The following CEP85 variants were observed in gnomAD, a reference collection of about 807,000 sequenced individuals.
CEP85 encodes the protein centrosomal protein of 85 kDa.
A neutral mutation model predicts 93.7 loss-of-function variants in CEP85; 58 were observed. That is an observed-to-expected ratio of 0.62 (90% CI 0.50 to 0.77). CEP85 has a LOEUF of 0.77. CEP85 is among the 30% of genes least tolerant of loss of function. The probability of loss-of-function intolerance (pLI) is 0.00; values close to 1 mark genes in which losing one functional copy is unlikely to be tolerated. For synonymous variants in CEP85, 314 were observed against 338.6 expected, an observed-to-expected ratio of 0.93 and a Z score of 0.80; for missense variants, 868 against 922.0, an observed-to-expected ratio of 0.94 and a Z score of 0.76.
intron 3 of CEP85, among the ~76,000 whole-genome samples, chr1:26,248,266 C>A (rs998093762): frequency 2.0e-5 from 3 of 151,980 alleles, no homozygotes; most frequent in Non-Finnish European, 4.4e-5. Flanking sequence ...GTCATAGGAC[C>A]TTTTTATTTT....
chr1:26,252,812 GTA>G (rs2124577929), intron 3 of CEP85, among the ~76,000 whole-genome samples: 1 of 152,260 alleles, frequency 6.6e-6, no homozygotes, highest in Non-Finnish European at 1.5e-5. Context: ...TACTATGCAT[GTA>G]ATATAAGGCT....
In CEP85 at chr1:26,277,952, C is replaced by G. The variant is rs1448531556; in HGVS notation, c.*659C>G. On this transcript the variant is annotated 3_prime_UTR_variant, in exon 14 of 14. Coordinates refer to ENST00000451429, the MANE Select transcript of CEP85 (RefSeq NM_001319944.2). ...TTTAACAAGAGATCCCACTCTCCAG[C>G]TGCCTTGTGTCCCTAGGGTCCTGGC... The G allele has an allele frequency of 6.5e-6, 1 of 152,802 alleles. No homozygotes were observed. Among genetic ancestry groups the G allele is most frequent in the Non-Finnish European group, 1.5e-5 (1 of 68,184 alleles). The allele number at this position is 152,802 out of a possible 1,614,324, so 9.5% of individuals were successfully genotyped here. A position where few individuals can be genotyped will look rare whatever the true frequency, so the allele number is the denominator to read the frequency against.
intron 1 of CEP85, among the ~76,000 whole-genome samples, chr1:26,234,839 C>T (rs1173976161): frequency 2.6e-5 from 4 of 152,198 alleles, no homozygotes; most frequent in African/African-American, 4.8e-5. Context: ...TACCCCGGTA[C>T]TTCTCGGCCG....
intron 4 of CEP85, among the ~76,000 whole-genome samples, chr1:26,256,928 G>GTGTGTGTGTGTGTGT (rs199539021): frequency 0.074 from 8,222 of 111,238 alleles, 516 homozygotes; most frequent in East Asian, 0.11. Context: ...GTTTTGTTTT[G>GTGTGTGTGTGTGTGT]GTGTGTGTGT....
intron 7 of CEP85, among the ~76,000 whole-genome samples, chr1:26,265,528 T>C (rs1317719012): frequency 1.3e-5 from 2 of 152,224 alleles, no homozygotes; most frequent in African/African-American, 4.8e-5. Flanking sequence ...CTCCAGAGAA[T>C]AGTCTCCTGA....
chr1:26,270,147 G>A (rs1042010210), intron 9 of CEP85, among the ~76,000 whole-genome samples: 1 of 152,132 alleles, frequency 6.6e-6, no homozygotes, highest in Non-Finnish European at 1.5e-5. Context: ...CCTTTGTAAG[G>A]ATCTAACCCA....
Position 26,277,230 on chromosome 1 carries a change from C to T in CEP85, c.2223C>T (p.Asp741=), listed in dbSNP as rs568551877. The change falls in exon 14 of 14, where the codon GAC becomes GAT. Residue 741 remains aspartate, a synonymous_variant. Transcript: ENST00000451429. The stretch of plus-strand genomic sequence containing the variant: ...AACAGCTGCGTCGTGACATTGAGGA[C>T]TTAAGGACCACCATGTCAGACAGAT... ...EVQQLRRDIE[D]LRTTMSDRYA... 1.9e-6 allele frequency: 3 copies of T among 1,614,158 alleles called. No individual in the cohort carries two copies. In the Admixed American group the frequency reaches 5.0e-5, roughly 27 times the overall value.
intron 1 of CEP85, among the ~76,000 whole-genome samples, chr1:26,238,336 G>A (rs1055679954): frequency 9.3e-5 from 14 of 150,942 alleles, no homozygotes; most frequent in Non-Finnish European, 1.2e-4. Context: ...AAGTAGCTGG[G>A]ATTACAGGCG....
chr1:26,275,157 G>A, intron 12 of CEP85, 86 bp downstream of exon 12: 1 of 976,294 alleles, frequency 1.0e-6, no homozygotes, highest in Admixed American at 2.3e-5. Flanking sequence ...CCCAATAAGA[G>A]CCCCAGTGTT....
intron 2 of CEP85, among the ~76,000 whole-genome samples, chr1:26,241,244 A>ATTTTTTTTTTTTTTTTTTT (rs71004567): frequency 1.8e-5 from 2 of 109,286 alleles, no homozygotes; most frequent in African/African-American, 3.5e-5. Context: ...ATTCAGCAGA[A>ATTTTTTTTTTTTTTTTTTT]TTTTTTTTTT....
chr1:26,257,723 A>G lies in CEP85; in HGVS notation c.1030A>G (p.Ile344Val), dbSNP rs776079375. The G allele has an allele frequency of 6.2e-6, 10 of 1,614,068 alleles. No homozygotes were observed. The South Asian group carries it at 1.1e-4, about 18-fold the overall frequency. The change falls in exon 5 of 14, where the codon ATT becomes GTT. Residue 344 changes from isoleucine to valine, a missense_variant. By Grantham distance (29) the Ile-to-Val change is conservative (BLOSUM62 3). Transcript: ENST00000451429. Reference protein sequence around the residue: ...EHLLKEKELLIDKQRKHISQL... With the variant: ...EHLLKEKELLVDKQRKHISQL... ...CCTTCTGAAGGAAAAAGAGCTTCTC[A>G]TTGACAAGTAAGAGGGCAAGGGGTA...
At chr1:26,247,931 G>T (rs1398602491) in intron 3 of CEP85, among the ~76,000 whole-genome samples, 2 of 152,162 alleles carry the variant, frequency 1.3e-5, no homozygotes, top group Non-Finnish European at 2.9e-5. Flanking sequence ...AAAGTGCTGG[G>T]ATTACAGGTG....
At position 26,252,942 on chromosome 1, in the gene CEP85, G is replaced by C. The variant is rs764085274; in HGVS notation, c.209-2229G>C. 4.6e-5 allele frequency among the ~76,000 whole-genome samples: 7 copies of C among 152,096 alleles called. 1 individual carries two copies. The Middle Eastern group carries it at 0.017, about 370-fold the overall frequency. ...TCTGGTAACCACAATTATTCTCTCT[G>C]TTTCTATGTGTCGAGGTTTTTTTTA... is the stretch of plus-strand genomic sequence containing the variant. On this transcript the variant is annotated intron_variant, in intron 3 of 13. Transcript: ENST00000451429.
chr1:26,256,027 T>A (rs1285399955), intron 4 of CEP85, among the ~76,000 whole-genome samples, 162 bp downstream of exon 4: 1 of 152,226 alleles, frequency 6.6e-6, no homozygotes, highest in Non-Finnish European at 1.5e-5. Context: ...CCATTGAATC[T>A]GTTTGGTAGT....
chr1:26,249,732 G>C (rs959500933), intron 3 of CEP85, among the ~76,000 whole-genome samples: 2 of 152,182 alleles, frequency 1.3e-5, no homozygotes, highest in African/African-American at 4.8e-5. Context: ...TCAAAAATGA[G>C]TTGTTTTTTA....
chr1:26,246,875 A>G (rs746131906), intron 3 of CEP85, among the ~76,000 whole-genome samples: 1 of 152,198 alleles, frequency 6.6e-6, no homozygotes, highest in Non-Finnish European at 1.5e-5. Flanking sequence ...AAGTTAAAAA[A>G]AAGCCAGACA....
At chr1:26,258,011 C>T in intron 5 of CEP85, 132 bp from the exon 6 acceptor site, 2 of 744,526 alleles carry the variant, frequency 2.7e-6, no homozygotes, top group Non-Finnish European at 4.6e-6. Flanking sequence ...CTCATTTGTT[C>T]TTCTTCCTTC....
At chr1:26,262,654 G>A (rs536204338) in intron 7 of CEP85, among the ~76,000 whole-genome samples, 4 of 152,306 alleles carry the variant, frequency 2.6e-5, no homozygotes, top group East Asian at 1.9e-4. Flanking sequence ...ACTTCTTGCA[G>A]CAAAGGGGAG....
chr1:26,234,828 TTACCCCGG>T (rs1270154365), intron 1 of CEP85, among the ~76,000 whole-genome samples: 2 of 152,164 alleles, frequency 1.3e-5, no homozygotes, highest in Non-Finnish European at 2.9e-5. Flanking sequence ...TGGCGGGGCC[TTACCCCGG>T]TACTTCTCGG....
Sources: allele counts gnomAD v4.1 joint callset (sites outside exome capture counted in the v4.1 genomes callset), GRCh38; gene constraint gnomAD v4.1.1; transcripts MANE v1.5; gene names NCBI Gene and HGNC (gene_info 2026-07-23, HGNC 2026-07-21).